MTPAP: variants seen among roughly 807,000 people sequenced by gnomAD.
MTPAP encodes the protein poly(A) RNA polymerase, mitochondrial.
Under a neutral mutation model 48.7 loss-of-function variants are expected in MTPAP, and 23 were observed. That is an observed-to-expected ratio of 0.47 (90% CI 0.34 to 0.67). The LOEUF is 0.67. Ranked by LOEUF, MTPAP falls within the 30% of genes least tolerant of loss-of-function variation. MTPAP has a pLI of 0.01. For missense variants in MTPAP, 614 were observed against 694.3 expected, an observed-to-expected ratio of 0.88 and a Z score of 1.30; for synonymous variants, 257 against 254.1, an observed-to-expected ratio of 1.01 and a Z score of -0.11.
intron 3 of MTPAP, among the ~76,000 whole-genome samples, chr10:30,338,825 T>G (rs1028288728): frequency 5.9e-5 from 9 of 151,950 alleles, no homozygotes; most frequent in Non-Finnish European, 1.2e-4. Flanking sequence ...CAAGTCTGAG[T>G]AAGAAACACC....
In MTPAP at chr10:30,310,181, T is replaced by G. The variant is rs758120075; in HGVS notation, c.*3428A>C. 2 of 152,230 alleles carry G rather than the reference T, an allele frequency of 1.3e-5. No individual in the cohort carries two copies. Among genetic ancestry groups the G allele is most frequent in the Non-Finnish European group, 2.9e-5 (2 of 68,032 alleles). 9.4% of individuals were successfully genotyped at this position (152,230 alleles called of 1,614,324 possible). On this transcript the variant is annotated 3_prime_UTR_variant, in exon 9 of 9. Coordinates refer to ENST00000263063, the MANE Select transcript of MTPAP (RefSeq NM_018109.4). ...GACAAATAATTGCTAGTTATCACTA[T>G]CACGTAATAAAAATATTTTAAAAAT... is the stretch of plus-strand genomic sequence containing the variant.
intron 1 of MTPAP, among the ~76,000 whole-genome samples, chr10:30,342,246 G>C (rs1834818965): frequency 6.6e-6 from 1 of 152,058 alleles, no homozygotes; most frequent in Admixed American, 6.6e-5. Context: ...AAAAAAAAGA[G>C]ACAGAGATTA....
Position 30,317,039 on chromosome 10 carries a change from A to C in MTPAP, c.1220-829T>G, listed in dbSNP as rs566601755. Among the ~76,000 whole-genome samples the C allele has an allele frequency of 5.9e-5, 9 of 152,352 alleles. No individual in the cohort carries two copies. The South Asian group carries it at 1.7e-3, about 28-fold the overall frequency. On this transcript the variant is annotated intron_variant, in intron 6 of 8. Coordinates refer to ENST00000263063, the MANE Select transcript of MTPAP (RefSeq NM_018109.4). ...TTCTTGTCTATGATTTAATGATGTT[A>C]ATTTCACTATGGCATAACTAATCTC...
intron 4 of MTPAP, among the ~76,000 whole-genome samples, chr10:30,333,088 T>G (rs1267158937): frequency 6.6e-6 from 1 of 151,634 alleles, no homozygotes; most frequent in Non-Finnish European, 1.5e-5. Context: ...ACCGCTGCAC[T>G]CCAGCCTGGG....
intron 3 of MTPAP, among the ~76,000 whole-genome samples, chr10:30,338,759 A>G (rs1204422883): frequency 2.0e-5 from 3 of 152,250 alleles, no homozygotes; most frequent in African/African-American, 7.2e-5. Flanking sequence ...CTTGAAAATA[A>G]TATTTTGATA....
chr10:30,313,905 TGA>T lies in MTPAP; in HGVS notation c.1451_1452del (p.Leu484GlnfsTer38). On this transcript the variant is annotated frameshift_variant, in exon 9 of 9. Transcript: ENST00000263063. LOFTEE classifies it low-confidence loss of function (END_TRUNC). ...LYIQNPFETSLNISKNVSQSQ... is the reference protein window; with the variant it reads ...LYIQNPFETSXNISKNVSQSQ... ...CTTTGACTTACATTTTTGCTTATGTTGAGAGAAGTTTCAAATGGATTCTGAAT... is the reference window on the plus strand; with the variant it reads ...CTTTGACTTACATTTTTGCTTATGTTGAGAAGTTTCAAATGGATTCTGAAT... 1 of 1,614,158 alleles carries T rather than the reference TGA, an allele frequency of 6.2e-7. No individual in the cohort carries two copies. The highest frequency in any genetic ancestry group is 8.5e-7 in the Non-Finnish European group (1 of 1,180,000).
chr10:30,330,321 CACA>C (rs1159906117), intron 4 of MTPAP, among the ~76,000 whole-genome samples: 2 of 152,110 alleles, frequency 1.3e-5, no homozygotes, highest in Non-Finnish European at 2.9e-5. Flanking sequence ...TACAAACACA[CACA>C]ATTTATGTTA....
At chr10:30,318,619 T>C (rs891704686) in intron 6 of MTPAP, among the ~76,000 whole-genome samples, 3 of 152,134 alleles carry the variant, frequency 2.0e-5, no homozygotes, top group Non-Finnish European at 4.4e-5. Context: ...ATGAGACATA[T>C]GAGAGAACAC....
chr10:30,327,222 T>A (rs1353166982), intron 4 of MTPAP, among the ~76,000 whole-genome samples: 1 of 151,884 alleles, frequency 6.6e-6, no homozygotes, highest in Non-Finnish European at 1.5e-5. Flanking sequence ...GTGCAGTGGC[T>A]CACGTCTGTA....
Position 30,338,626 on chromosome 10 carries a change from G to C in MTPAP, c.556-1599C>G, listed in dbSNP as rs371289007. Among the ~76,000 whole-genome samples, 3 of 152,102 alleles carry C rather than the reference G, an allele frequency of 2.0e-5. No individual in the cohort carries two copies. The South Asian group carries it at 6.3e-4, about 32-fold the overall frequency. On this transcript the variant is annotated intron_variant, in intron 3 of 8. Transcript: ENST00000263063. ...GGAGGCGGAGGTTGCAGTGAGCCAC[G>C]ATCAGGCCATTGCACTCCAGCCTGG...
intron 8 of MTPAP, among the ~76,000 whole-genome samples, chr10:30,315,272 A>G (rs1218914490): frequency 6.6e-6 from 1 of 152,238 alleles, no homozygotes; most frequent in African/African-American, 2.4e-5. Flanking sequence ...GGAGAGGTGA[A>G]GAAATAAGGA....
intron 5 of MTPAP, among the ~76,000 whole-genome samples, chr10:30,325,122 T>C (rs1006659102): frequency 6.6e-6 from 1 of 152,106 alleles, no homozygotes; most frequent in African/African-American, 2.4e-5. Context: ...TATCTTGATA[T>C]AAAGAAAAAA....
intron 4 of MTPAP, among the ~76,000 whole-genome samples, chr10:30,326,919 T>C (rs996841985): frequency 1.3e-5 from 2 of 152,176 alleles, no homozygotes; most frequent in Non-Finnish European, 2.9e-5. Context: ...AAATGAATCA[T>C]AAATACTATG....
intron 1 of MTPAP, among the ~76,000 whole-genome samples, chr10:30,342,626 T>G (rs1834826002): frequency 6.6e-6 from 1 of 152,074 alleles, no homozygotes; most frequent in Non-Finnish European, 1.5e-5. Context: ...GTGCAAATTG[T>G]AACATTCCAA....
rs377615505 is a variant in MTPAP at position 30,349,171 on chromosome 10, A to T, written c.105T>A (p.Thr35=). The part of the protein sequence containing the change: ...PIVRLLSCPG[T]VAKDLRRDEQ... ...CGTCTCTCCTAAGGTCTTTGGCCAC[A>T]GTTCCTGGGCAACTCAAAAGCCTGA... The change falls in exon 1 of 9, where the codon ACT becomes ACA. Residue 35 remains threonine (T), a synonymous_variant. Transcript: ENST00000263063. 4 of 1,610,762 alleles carry T rather than the reference A, an allele frequency of 2.5e-6. No individual in the cohort carries two copies. The highest frequency in any genetic ancestry group is 2.7e-5 in the African/African-American group (2 of 74,578).
chr10:30,317,923 C>A (rs917706847), intron 6 of MTPAP, among the ~76,000 whole-genome samples: 1 of 151,984 alleles, frequency 6.6e-6, no homozygotes, highest in African/African-American at 2.4e-5. Context: ...GGCGGCGTGA[C>A]CTTGGCTCAC....
Position 30,326,624 on chromosome 10 carries a change from A to G in MTPAP, c.792T>C (p.Asn264=), listed in dbSNP as rs765042150. The G allele has an allele frequency of 4.3e-6, 7 of 1,613,108 alleles. No individual in the cohort carries two copies. The highest frequency in any genetic ancestry group is 5.9e-6 in the Non-Finnish European group (7 of 1,179,060). ...RNLSAHKISG[N]FLMEFQVKNV... ...TTTTCACTTGAAATTCCATCAGAAA[A>G]TTTCCTGAGATCTGAAAAATAAACA... is the stretch of plus-strand genomic sequence containing the variant. Residue 264 remains asparagine, a synonymous_variant, in exon 5 of 9, where the codon AAT becomes AAC. Transcript: ENST00000263063.
intron 5 of MTPAP, 84 bp downstream of exon 5, chr10:30,326,340 C>G (rs1367037098): frequency 7.9e-7 from 1 of 1,272,568 alleles, no homozygotes; most frequent in African/African-American, 1.5e-5. Context: ...TTTAAGATTA[C>G]AAAGCCACTG....
chr10:30,338,695 T>TA (rs1386979276), intron 3 of MTPAP, among the ~76,000 whole-genome samples: 1 of 150,780 alleles, frequency 6.6e-6, no homozygotes, highest in African/African-American at 2.4e-5. Flanking sequence ...ATAATAACAA[T>TA]AAAAGTAAAG....
Sources: allele counts gnomAD v4.1 joint callset (sites outside exome capture counted in the v4.1 genomes callset), GRCh38; gene constraint gnomAD v4.1.1; transcripts MANE v1.5; gene names NCBI Gene and HGNC (gene_info 2026-07-23, HGNC 2026-07-21).